Variants in PPARGC1A observed in about 807,000 individuals in gnomAD.
PPARGC1A encodes peroxisome proliferator-activated receptor gamma coactivator 1-alpha.
Under a neutral mutation model 88.7 loss-of-function variants are expected in PPARGC1A, and 25 were observed. That is an observed-to-expected ratio of 0.28 (90% confidence interval 0.21 to 0.39). The LOEUF (loss-of-function observed/expected upper bound fraction) is 0.39. Ranked by LOEUF, PPARGC1A falls within the 10% of genes least tolerant of loss-of-function variation. PPARGC1A has a pLI of 1.00. For synonymous variants in PPARGC1A, 363 were observed against 355.6 expected, an observed-to-expected ratio of 1.02 and a Z score of -0.24; for missense variants, 880 against 968.7, an observed-to-expected ratio of 0.91 and a Z score of 1.22.
At position 23,889,952 on chromosome 4, in the gene PPARGC1A, C is replaced by T. The variant is rs1254733177; in HGVS notation, c.6G>A (p.Ala2=). 3 of 1,613,730 alleles carry T rather than the reference C, an allele frequency of 1.9e-6. No individual in the cohort carries two copies. Among genetic ancestry groups the T allele is most frequent in the Admixed American group, 1.7e-5 (1 of 59,998 alleles). Residue 2 remains alanine, a synonymous_variant, in exon 1 of 13, where the codon GCG becomes GCA. Transcript: ENST00000264867. ...CAGAGTCCTGGTTGCACATGTCCCA[C>T]GCCATCCAGCTCCTGAATGACGCCA... The part of the protein sequence containing the change: M[A]WDMCNQDSES...
chr4:24,202,413 AG>A, the PPARGC1A span, among the ~76,000 whole-genome samples: 6 of 152,182 alleles, frequency 3.9e-5, 1 homozygote, highest in South Asian at 1.2e-3. Context: ...ACAGAGAGCC[AG>A]GCACATGCAA....
the PPARGC1A span, among the ~76,000 whole-genome samples, chr4:24,443,779 C>A: frequency 4.7e-4 from 70 of 149,666 alleles, no homozygotes; most frequent in Non-Finnish European, 7.4e-4. Flanking sequence ...TGGTCTCGAA[C>A]TCCTGACCTC....
chr4:24,221,774 A>G, the PPARGC1A span, among the ~76,000 whole-genome samples: 2 of 149,836 alleles, frequency 1.3e-5, no homozygotes, highest in Admixed American at 1.4e-4. Flanking sequence ...CCTCACTCAA[A>G]AAATAAAGTA....
chr4:23,831,386 A>C, intron 3 of PPARGC1A, 171 bp downstream of exon 3: 1 of 535,246 alleles, frequency 1.9e-6, no homozygotes. Flanking sequence ...GTGTATTATC[A>C]ACACTTTTAA....
the PPARGC1A span, among the ~76,000 whole-genome samples, chr4:24,182,348 T>C: frequency 0.88 from 134,476 of 152,250 alleles, 59,680 homozygotes; most frequent in South Asian, 0.94. Context: ...TATGGCTGCA[T>C]AGTATTTCAT....
chr4:23,821,109 C>A (rs529725630), intron 7 of PPARGC1A, among the ~76,000 whole-genome samples: 47 of 152,176 alleles, frequency 3.1e-4, no homozygotes, highest in African/African-American at 1.1e-3. Context: ...GCAGACAGTA[C>A]CAATCAATGA....
At chr4:23,814,981 T>C (rs1282986880) in intron 7 of PPARGC1A, among the ~76,000 whole-genome samples, 1 of 152,106 alleles carries the variant, frequency 6.6e-6, no homozygotes, top group Non-Finnish European at 1.5e-5. Context: ...TTATGGAAAA[T>C]TAACAAAGTG....
the PPARGC1A span, among the ~76,000 whole-genome samples, chr4:24,258,891 G>C: frequency 4.6e-5 from 7 of 152,126 alleles, no homozygotes; most frequent in Non-Finnish European, 4.4e-5. Context: ...TATTTATTGA[G>C]TTCTTACTAT....
the PPARGC1A span, among the ~76,000 whole-genome samples, chr4:23,984,953 T>G: frequency 6.6e-6 from 1 of 152,114 alleles, no homozygotes; most frequent in South Asian, 2.1e-4. Flanking sequence ...GAATTAGAGT[T>G]GTCGGACGAA....
At chr4:24,029,135 T>C in the PPARGC1A span, among the ~76,000 whole-genome samples, 3 of 152,248 alleles carry the variant, frequency 2.0e-5, no homozygotes, top group South Asian at 6.2e-4. Flanking sequence ...TCAAGCAGCA[T>C]CAAGATGATA....
intron 2 of PPARGC1A, among the ~76,000 whole-genome samples, chr4:23,832,992 G>C (rs571693446): frequency 1.5e-3 from 234 of 152,176 alleles, no homozygotes; most frequent in African/African-American, 5.5e-3. Flanking sequence ...CACACTCATA[G>C]AAAGCTAATC....
At chr4:23,851,422 T>C (rs1475226512) in intron 2 of PPARGC1A, among the ~76,000 whole-genome samples, 2 of 152,182 alleles carry the variant, frequency 1.3e-5, no homozygotes, top group South Asian at 2.1e-4. Flanking sequence ...TTTATGGTAA[T>C]TGAAACCACA....
the PPARGC1A span, among the ~76,000 whole-genome samples, chr4:24,374,956 A>G: frequency 0.39 from 58,496 of 150,480 alleles, 11,880 homozygotes; most frequent in African/African-American, 0.51. Context: ...TTATAGCGGC[A>G]TTATTAGTAA....
the PPARGC1A span, among the ~76,000 whole-genome samples, chr4:24,223,225 TCTC>T: frequency 6.6e-6 from 1 of 151,046 alleles, no homozygotes; most frequent in South Asian, 2.1e-4. Context: ...TGCTTTATTT[TCTC>T]AATTTTATGG....
the PPARGC1A span, among the ~76,000 whole-genome samples, chr4:24,203,569 TAGAAAA>T: frequency 0.7 from 105,452 of 151,350 alleles, 39,433 homozygotes; most frequent in Middle Eastern, 0.86. Context: ...AGATGAGAGA[TAGAAAA>T]AGAAAGAGAA....
intron 12 of PPARGC1A, among the ~76,000 whole-genome samples, chr4:23,799,787 A>C (rs1423173240): frequency 6.6e-6 from 1 of 152,166 alleles, no homozygotes; most frequent in African/African-American, 2.4e-5. Flanking sequence ...CCTCTCTACC[A>C]GTGATGAATC....
At chr4:24,162,783 G>A in the PPARGC1A span, among the ~76,000 whole-genome samples, 13 of 151,652 alleles carry the variant, frequency 8.6e-5, no homozygotes, top group East Asian at 7.8e-4. Flanking sequence ...TAGTAGAGAC[G>A]GGGTTTCACC....
chr4:24,296,097 CAT>C, the PPARGC1A span, among the ~76,000 whole-genome samples: 1 of 149,948 alleles, frequency 6.7e-6, no homozygotes. Context: ...TACACACATA[CAT>C]ATATATGTAC....
the PPARGC1A span, among the ~76,000 whole-genome samples, chr4:24,343,870 G>A: frequency 6.6e-6 from 1 of 151,898 alleles, no homozygotes; most frequent in Admixed American, 6.6e-5. Flanking sequence ...CACCCTATTT[G>A]TAGTCTTTTA....
Sources: gnomAD v4.1 joint callset for allele counts (sites outside exome capture counted in the v4.1 genomes callset) on GRCh38, gnomAD v4.1.1 for gene constraint, MANE v1.5 for transcripts, NCBI Gene and HGNC (gene_info 2026-07-23, HGNC 2026-07-21) for gene names.